ZNF507: variants seen among roughly 807,000 people sequenced by gnomAD.
The protein encoded by ZNF507 is zinc finger protein 507.
A neutral mutation model predicts 80.0 loss-of-function variants in ZNF507; 29 were observed. The ratio of observed to expected loss-of-function variants is 0.36; its 90% CI spans 0.27 to 0.49. The LOEUF (loss-of-function observed/expected upper bound fraction) is 0.49. ZNF507 is among the 20% of genes least tolerant of loss of function. The probability of loss-of-function intolerance (pLI) is 0.98; values close to 1 mark genes in which losing one functional copy is unlikely to be tolerated. For synonymous variants in ZNF507, 462 were observed against 422.5 expected, an observed-to-expected ratio of 1.09 and a Z score of -1.15; for missense variants, 1,081 against 1,152.2, an observed-to-expected ratio of 0.94 and a Z score of 0.90.
chr19:32,369,390 G>A (rs990724296), intron 5 of ZNF507, among the ~76,000 whole-genome samples: 3 of 152,158 alleles, frequency 2.0e-5, no homozygotes. Context: ...CTGTCATCAG[G>A]AGCATCCAGC....
At chr19:32,346,010 CTCCCTGCATACTG>C (rs1568300311) in intron 1 of ZNF507, among the ~76,000 whole-genome samples, 1 of 152,242 alleles carries the variant, frequency 6.6e-6, no homozygotes, top group African/African-American at 2.4e-5. Context: ...GAACTTGCTG[CTCCCTGCATACTG>C]TCACCAGCCC....
In ZNF507 at chr19:32,356,663, C is replaced by G. The variant is rs902479019; in HGVS notation, c.2175C>G (p.Thr725=). The G allele has an allele frequency of 6.2e-7, 1 of 1,614,036 alleles. No individual in the cohort carries two copies. The highest frequency in any genetic ancestry group is 8.5e-7 in the Non-Finnish European group (1 of 1,179,986). Residue 725 remains threonine (T), a synonymous_variant, in exon 4 of 7, where the codon ACC becomes ACG. Coordinates refer to ENST00000355898, the MANE Select transcript of ZNF507 (RefSeq NM_001136156.2). ...HEREQHSLPD[T]LSIATSNEPR... ...GAGAACAGCACAGTCTTCCAGATAC[C>G]TTGTCAATAGCAACTTCTAATGAGC...
chr19:32,382,631 C>G lies in ZNF507; in HGVS notation c.2495+30C>G, dbSNP rs368952559. ...TTCATCCTACCCCCTCCCTTTATTG[C>G]TATATGTAAATTAAAGCCAGGATTA... On this transcript the variant is annotated intron_variant, in intron 6 of 6. Transcript: ENST00000355898. The G allele has an allele frequency of 3.6e-5, 58 of 1,613,406 alleles. No individual in the cohort carries two copies. The African/African-American group carries it at 7.2e-4, about 20-fold the overall frequency.
In ZNF507 at chr19:32,354,557, A is replaced by T. The variant is rs565690876; in HGVS notation, c.1727A>T (p.Asp576Val). ...CCAGAGGGTAGGCAGGAATTGTCAG[A>T]TGGGCAGGTTAAGACAGGCATCAGC... is the stretch of plus-strand genomic sequence containing the variant. The part of the protein sequence containing the change: ...ALPEGRQELS[D>V]GQVKTGISMS... The change falls in exon 3 of 7, where the codon GAT (aspartate) becomes GTT (valine). Residue 576 changes from aspartate (D) to valine (V), a missense_variant. Physicochemically the swap from Asp to Val is radical, Grantham distance 152. Coordinates refer to ENST00000355898, the MANE Select transcript of ZNF507 (RefSeq NM_001136156.2). 2.7e-5 allele frequency: 43 copies of T among 1,614,060 alleles called. No individual in the cohort carries two copies. The highest frequency in any genetic ancestry group is 2.7e-5 in the Non-Finnish European group (32 of 1,180,034).
chr19:32,377,874 A>G (rs967740990), intron 5 of ZNF507, among the ~76,000 whole-genome samples: 2 of 152,148 alleles, frequency 1.3e-5, no homozygotes, highest in Non-Finnish European at 2.9e-5. Context: ...CAGGGGAGGA[A>G]GGTCAGGGGT....
At position 32,354,531 on chromosome 19, in the gene ZNF507, C is replaced by G. The variant is rs1203017339; in HGVS notation, c.1701C>G (p.Leu567=). ...LNQSNSTLVA[L]PEGRQELSDG... is the part of the protein sequence containing the mutation. ...AAAGCAACTCCACCTTGGTAGCACT[C>G]CCAGAGGGTAGGCAGGAATTGTCAG... Residue 567 remains leucine, a synonymous_variant, in exon 3 of 7, where the codon CTC becomes CTG. Coordinates refer to ENST00000355898, the MANE Select transcript of ZNF507 (RefSeq NM_001136156.2). The G allele has an allele frequency of 2.5e-6, 4 of 1,614,054 alleles. No homozygotes were observed. The highest frequency in any genetic ancestry group is 1.6e-4 in the Middle Eastern group (1 of 6,084).
Position 32,354,834 on chromosome 19 carries a change from T to A in ZNF507, c.2004T>A (p.Pro668=), listed in dbSNP as rs1167922112. Residue 668 remains proline, a synonymous_variant, in exon 3 of 7, where the codon CCT becomes CCA. Transcript: ENST00000355898. ...TACGAGTCCATCGACAGAGACAGCC[T>A]TATCAGTGTCCTATCTGCGAGCACA... ...QHLRVHRQRQ[P]YQCPICEHIA... 1 of 1,614,158 alleles carries A rather than the reference T, an allele frequency of 6.2e-7. No homozygotes were observed.
At chr19:32,365,316 T>G (rs1012796095) in intron 5 of ZNF507, among the ~76,000 whole-genome samples, 7 of 152,220 alleles carry the variant, frequency 4.6e-5, no homozygotes, top group African/African-American at 1.4e-4. Flanking sequence ...TGACTGTTCC[T>G]TTTGCTTTGC....
chr19:32,364,801 G>A (rs1435252148), intron 5 of ZNF507, among the ~76,000 whole-genome samples: 1 of 152,132 alleles, frequency 6.6e-6, no homozygotes, highest in Non-Finnish European at 1.5e-5. Context: ...AAACTTGCGC[G>A]TGCAAGCATC....
chr19:32,356,836 T>C (rs1967259560), intron 4 of ZNF507, 103 bp downstream of exon 4: 9 of 839,340 alleles, frequency 1.1e-5, no homozygotes, highest in Non-Finnish European at 1.8e-5. Flanking sequence ...GCCTATATTC[T>C]CCTCCATTTT....
chr19:32,384,744 A>G lies in ZNF507; in HGVS notation c.*1661A>G, dbSNP rs1967666973. ...TTCTTTCTAATCTCATTTTGGTGAT[A>G]TTTAAACAAACATAAATGATTGTAA... On this transcript the variant is annotated 3_prime_UTR_variant, in exon 7 of 7. Transcript: ENST00000355898. 1.3e-5 allele frequency: 2 copies of G among 151,718 alleles called. No individual in the cohort carries two copies. Among genetic ancestry groups the G allele is most frequent in the African/African-American group, 4.8e-5 (2 of 41,272 alleles). The allele number at this position is 151,718 out of a possible 1,614,324, so 9.4% of individuals were successfully genotyped here. A position where few individuals can be genotyped will look rare whatever the true frequency, so the allele number is the denominator to read the frequency against.
rs766013467 is a variant in ZNF507, at chr19:32,382,488, G to A, written c.2382G>A (p.Val794=). The change falls in exon 6 of 7, where the codon GTG becomes GTA. Residue 794 remains valine (V), a synonymous_variant. Transcript: ENST00000355898. ...CCAGATGCTCTCTGTGTGGGTATGT[G>A]TGTAGCCATCCTCCTTCTTTGAAGT... is the stretch of plus-strand genomic sequence containing the variant. ...KPYRCSLCGY[V]CSHPPSLKSH... 1.2e-6 allele frequency: 2 copies of A among 1,614,164 alleles called. No individual in the cohort carries two copies. Among genetic ancestry groups the A allele is most frequent in the Non-Finnish European group, 1.7e-6 (2 of 1,180,010 alleles).
intron 3 of ZNF507, among the ~76,000 whole-genome samples, chr19:32,356,298 A>G (rs1015655413): frequency 6.6e-6 from 1 of 152,216 alleles, no homozygotes; most frequent in African/African-American, 2.4e-5. Flanking sequence ...ATTATTCTGA[A>G]CACTCTGCTC....
chr19:32,371,979 A>C (rs1253821989), intron 5 of ZNF507, among the ~76,000 whole-genome samples: 1 of 152,048 alleles, frequency 6.6e-6, no homozygotes, highest in Non-Finnish European at 1.5e-5. Flanking sequence ...GGGGAAATGA[A>C]CTCTATCCTA....
At chr19:32,381,702 A>C (rs1967625481) in intron 5 of ZNF507, among the ~76,000 whole-genome samples, 3 of 152,174 alleles carry the variant, frequency 2.0e-5, no homozygotes, top group Admixed American at 1.3e-4. Context: ...TTGTTAATAA[A>C]AATTTATCAA....
rs952846295 is a variant in ZNF507 at position 32,350,947 on chromosome 19, C to T, written c.-2-1882C>T. On this transcript the variant is annotated intron_variant, in intron 2 of 6. Transcript: ENST00000355898. The stretch of plus-strand genomic sequence containing the variant: ...GTGGAATTCTAAGACAATAAAGTGA[C>T]TTAGGAAGTCACAAAAGGGTTTTTC... 3.9e-5 allele frequency among the ~76,000 whole-genome samples: 6 copies of T among 152,222 alleles called. No individual in the cohort carries two copies. The South Asian group carries it at 1.2e-3, about 31-fold the overall frequency.
intron 5 of ZNF507, among the ~76,000 whole-genome samples, chr19:32,362,487 A>G (rs1434307013): frequency 6.6e-6 from 1 of 152,236 alleles, no homozygotes; most frequent in Non-Finnish European, 1.5e-5. Flanking sequence ...CAGTCATAAC[A>G]AAACAGACGT....
Position 32,354,862 on chromosome 19 carries a change from G to C in ZNF507, c.2032G>C (p.Ala678Pro). The C allele has an allele frequency of 6.2e-7, 1 of 1,614,144 alleles. No homozygotes were observed. Among genetic ancestry groups the C allele is most frequent in the Non-Finnish European group, 8.5e-7 (1 of 1,180,028 alleles). The change falls in exon 3 of 7, where the codon GCG becomes CCG. Residue 678 changes from alanine to proline, a missense_variant. Coordinates refer to ENST00000355898, the MANE Select transcript of ZNF507 (RefSeq NM_001136156.2). The stretch of plus-strand genomic sequence containing the variant: ...TCAGTGTCCTATCTGCGAGCACATA[G>C]CGGACAACAGCAAAGATTTGGAGAG... ...PYQCPICEHIADNSKDLESHM... is the reference protein window; with the variant it reads ...PYQCPICEHIPDNSKDLESHM...
chr19:32,348,404 T>C (rs1232455127), intron 2 of ZNF507, among the ~76,000 whole-genome samples: 2 of 152,162 alleles, frequency 1.3e-5, no homozygotes, highest in Non-Finnish European at 1.5e-5. Context: ...CACAGAAAAT[T>C]ACAGCCTTTT....
Sources: gnomAD v4.1 joint callset for allele counts (sites outside exome capture counted in the v4.1 genomes callset) on GRCh38, gnomAD v4.1.1 for gene constraint, MANE v1.5 for transcripts, NCBI Gene and HGNC (gene_info 2026-07-23, HGNC 2026-07-21) for gene names.